ARG2: variants seen among roughly 807,000 people sequenced by gnomAD.
ARG2 encodes the protein arginase-2, mitochondrial.
A neutral mutation model predicts 39.4 loss-of-function variants in ARG2; 21 were observed. The ratio of observed to expected loss-of-function variants is 0.53; its 90% CI spans 0.38 to 0.77. ARG2 has a LOEUF of 0.77. ARG2 is among the 30% of genes least tolerant of loss of function. The probability of loss-of-function intolerance (pLI) is 0.00; values close to 1 mark genes in which losing one functional copy is unlikely to be tolerated. For synonymous variants in ARG2, 150 were observed against 156.7 expected (o/e 0.96, Z 0.32); for missense variants, 378 against 426.2 (o/e 0.89, Z 1.00).
intron 2 of ARG2, among the ~76,000 whole-genome samples, chr14:67,633,550 T>C (rs1050952513): frequency 5.3e-5 from 8 of 152,216 alleles, no homozygotes; most frequent in African/African-American, 1.9e-4. Context: ...TGCCCCTCTA[T>C]TGCTGGACAC....
chr14:67,646,721 C>T lies in ARG2; in HGVS notation c.600C>T (p.Asp200=), dbSNP rs376670540. The change falls in exon 5 of 8, where the codon GAC becomes GAT. Residue 200 remains aspartate (D), a synonymous_variant. Transcript: ENST00000261783. ...GTATTGTGTATATTGGTCTGAGAGA[C>T]GTGGACCCTCCTGAACAGTAAGTTG... is the stretch of plus-strand genomic sequence containing the variant. ...SASIVYIGLR[D]VDPPEHFILK... 6.5e-5 allele frequency: 105 copies of T among 1,612,772 alleles called. No homozygotes were observed. In the East Asian group the frequency reaches 1.7e-3, roughly 26 times the overall value.
At chr14:67,644,825 C>T (rs1421430800) in intron 3 of ARG2, among the ~76,000 whole-genome samples, 1 of 151,944 alleles carries the variant, frequency 6.6e-6, no homozygotes, top group Non-Finnish European at 1.5e-5. Context: ...GTTGAAACCC[C>T]ATCTTTACTA....
intron 2 of ARG2, among the ~76,000 whole-genome samples, chr14:67,621,621 T>A (rs1232549694): frequency 1.3e-5 from 2 of 151,902 alleles, no homozygotes; most frequent in Non-Finnish European, 2.9e-5. Flanking sequence ...AATTTTGTAT[T>A]TTTAGTAGAC....
Position 67,648,197 on chromosome 14 carries a change from A to C in ARG2, c.859+14A>C. ...TACACAATACAGGTATGTAGCAACC[A>C]GGTCTGCAGCCTGTTAACTACATAG... is the stretch of plus-strand genomic sequence containing the variant. On this transcript the variant is annotated intron_variant, in intron 7 of 7. Transcript: ENST00000261783. 2 of 1,608,696 alleles carry C rather than the reference A, an allele frequency of 1.2e-6. No homozygotes were observed. The highest frequency in any genetic ancestry group is 1.7e-6 in the Non-Finnish European group (2 of 1,176,676).
intron 2 of ARG2, among the ~76,000 whole-genome samples, chr14:67,623,996 A>G (rs532737809): frequency 6.6e-5 from 10 of 152,070 alleles, no homozygotes; most frequent in Non-Finnish European, 1.0e-4. Context: ...ACATGCCAGT[A>G]TGCCTGGATA....
rs1033473790 is a variant in ARG2 at position 67,642,804 on chromosome 14, T to C, written c.362+441T>C. The stretch of plus-strand genomic sequence containing the variant: ...TGTTACTACATTTTCTTTTTTTTTT[T>C]TTTTTTTTTTTTTTTTGAGATAGGG... On this transcript the variant is annotated intron_variant, in intron 3 of 7. Coordinates refer to ENST00000261783, the MANE Select transcript of ARG2 (RefSeq NM_001172.4). 3.3e-3 allele frequency among the ~76,000 whole-genome samples: 416 copies of C among 124,454 alleles called. 8 individuals are homozygous for C. Among genetic ancestry groups the C allele is most frequent in the African/African-American group, 3.6e-3 (110 of 30,598 alleles). 81.6% of individuals were successfully genotyped at this position (124,454 alleles called of 152,430 possible). A position where few individuals can be genotyped will look rare whatever the true frequency, so the allele number is the denominator to read the frequency against.
intron 2 of ARG2, among the ~76,000 whole-genome samples, chr14:67,624,294 T>C (rs1209811639): frequency 6.6e-6 from 1 of 152,332 alleles, no homozygotes; most frequent in East Asian, 1.9e-4. Context: ...TTTAAAATAC[T>C]GTATAGTGAC....
At chr14:67,624,424 T>C (rs1000100341) in intron 2 of ARG2, among the ~76,000 whole-genome samples, 4 of 152,218 alleles carry the variant, frequency 2.6e-5, no homozygotes, top group African/African-American at 9.6e-5. Context: ...AGAGGTTTAA[T>C]TGACTCATGG....
At chr14:67,635,821 C>T (rs1453229091) in intron 2 of ARG2, among the ~76,000 whole-genome samples, 1 of 152,156 alleles carries the variant, frequency 6.6e-6, no homozygotes, top group Non-Finnish European at 1.5e-5. Flanking sequence ...CACTTCACTC[C>T]AGCGTGGGTG....
rs781583787 is a variant in ARG2, at chr14:67,651,521, G to C, written c.*601G>C. The C allele has an allele frequency of 1.9e-6, 3 of 1,607,168 alleles. No individual in the cohort carries two copies. The African/African-American group carries it at 4.0e-5, about 22-fold the overall frequency. On this transcript the variant is annotated 3_prime_UTR_variant, in exon 8 of 8. Coordinates refer to ENST00000261783, the MANE Select transcript of ARG2 (RefSeq NM_001172.4). ...AAAGTGGGGAGTAGTCAGAAGTTTG[G>C]ATAACCTTCCTTCTAAACATTTTGG...
In ARG2 at chr14:67,648,037, T is replaced by C; in HGVS notation, c.723-10T>C. ...TATTTTAAGTATTATTTTATCCTCT[T>C]CCTTTTTAGGAGACAAAGACCAATC... On this transcript the variant is annotated splice_polypyrimidine_tract_variant and intron_variant, in intron 6 of 7. Transcript: ENST00000261783. 6.2e-7 allele frequency: 1 copy of C among 1,601,078 alleles called. No individual in the cohort carries two copies. The highest frequency in any genetic ancestry group is 8.5e-7 in the Non-Finnish European group (1 of 1,172,702).
At position 67,620,083 on chromosome 14, in the gene ARG2, G is replaced by C. The variant is rs1162428582; in HGVS notation, c.106G>C (p.Gly36Arg). The C allele has an allele frequency of 5.0e-6, 8 of 1,603,028 alleles. No individual in the cohort carries two copies. Among genetic ancestry groups the C allele is most frequent in the Non-Finnish European group, 6.8e-6 (8 of 1,174,488 alleles). ...TGTGATAGGAGCCCCGTTCTCACAA[G>C]GGCAGGTGAGAACTGGCACCTGGAA... ...VAVIGAPFSQ[G>R]QKRKGVEHGP... The change falls in exon 1 of 8, where the codon GGG becomes CGG. Residue 36 changes from glycine (G) to arginine (R), a missense_variant. Coordinates refer to ENST00000261783, the MANE Select transcript of ARG2 (RefSeq NM_001172.4).
At chr14:67,634,034 C>T (rs2036945343) in intron 2 of ARG2, among the ~76,000 whole-genome samples, 1 of 152,180 alleles carries the variant, frequency 6.6e-6, no homozygotes, top group Non-Finnish European at 1.5e-5. Flanking sequence ...TTGAAGTCTG[C>T]ACCATACCTT....
intron 7 of ARG2, 190 bp from the exon 8 acceptor site, chr14:67,650,525 A>C: frequency 3.3e-6 from 2 of 606,488 alleles, no homozygotes; most frequent in Non-Finnish European, 5.9e-6. Context: ...CTACTATAGC[A>C]CAACAGTGTT....
chr14:67,634,177 A>G (rs1469790062), intron 2 of ARG2, among the ~76,000 whole-genome samples: 1 of 152,108 alleles, frequency 6.6e-6, no homozygotes, highest in Non-Finnish European at 1.5e-5. Context: ...AGTTTTCCCA[A>G]ACCAGTATTT....
intron 2 of ARG2, among the ~76,000 whole-genome samples, chr14:67,638,067 A>G (rs2036991247): frequency 6.6e-6 from 1 of 152,216 alleles, no homozygotes; most frequent in Admixed American, 6.5e-5. Context: ...CAGGTCTCTG[A>G]ATTACTGCAT....
chr14:67,635,571 C>T (rs1296754143), intron 2 of ARG2, among the ~76,000 whole-genome samples: 2 of 152,108 alleles, frequency 1.3e-5, no homozygotes, highest in Admixed American at 6.5e-5. Flanking sequence ...TCCAGGAATT[C>T]GGCCGGGCAC....
intron 2 of ARG2, among the ~76,000 whole-genome samples, chr14:67,628,064 A>T (rs761702333): frequency 9.9e-5 from 15 of 152,138 alleles, no homozygotes; most frequent in Non-Finnish European, 1.5e-4. Context: ...CCCTTGGGGG[A>T]TGGGCCACCT....
chr14:67,620,955 TC>T lies in ARG2; in HGVS notation c.174del (p.Ser59ProfsTer7), dbSNP rs2036803626. On this transcript the variant is annotated frameshift_variant, in exon 2 of 8. Transcript: ENST00000261783. LOFTEE classifies it high-confidence loss of function. Reference sequence around the variant, plus strand: ...AGAGAAGCTGGCTTGATGAAAAGGCTCTCCAGTTTGGGTAAGTGGTTAGATT... The same window carrying T: ...AGAGAAGCTGGCTTGATGAAAAGGCTTCCAGTTTGGGTAAGTGGTTAGATT... ...AIREAGLMKR[L>X]SSLGCHLKDF... 6.2e-7 allele frequency: 1 copy of T among 1,613,980 alleles called. No homozygotes were observed. Among genetic ancestry groups the T allele is most frequent in the African/African-American group, 1.3e-5 (1 of 74,916 alleles).
Sources: allele counts gnomAD v4.1 joint callset (sites outside exome capture counted in the v4.1 genomes callset), GRCh38; gene constraint gnomAD v4.1.1; transcripts MANE v1.5; gene names NCBI Gene and HGNC (gene_info 2026-07-23, HGNC 2026-07-21).